The following WNT10A variants were observed in gnomAD, a reference collection of about 807,000 sequenced individuals.
WNT10A encodes the protein Wnt family member 10A.
WNT10A carries 37 observed loss-of-function variants against 36.1 expected under a neutral mutation model. The observed-to-expected ratio is 1.02, with a 90% CI of 0.79 to 1.35. WNT10A has a LOEUF of 1.35. WNT10A is among the 40% of genes most tolerant of loss of function. The pLI is 0.00. For synonymous variants in WNT10A, 255 were observed against 254.1 expected (o/e 1.00, Z -0.03); for missense variants, 613 against 601.4 (o/e 1.02, Z -0.20).
intron 2 of WNT10A, among the ~76,000 whole-genome samples, chr2:218,883,405 G>T (rs1260132695): frequency 1.3e-5 from 2 of 152,116 alleles, no homozygotes; most frequent in Non-Finnish European, 2.9e-5. Flanking sequence ...GGGGAGTCAG[G>T]CTGTACCTCA....
At chr2:218,882,978 G>A (rs1944535483) in intron 2 of WNT10A, among the ~76,000 whole-genome samples, 1 of 152,212 alleles carries the variant, frequency 6.6e-6, no homozygotes, top group Non-Finnish European at 1.5e-5. Flanking sequence ...GGTGCTGGGT[G>A]TGTGTGTGCC....
chr2:218,890,087 T>C lies in WNT10A; in HGVS notation c.480T>C (p.Asp160=), dbSNP rs370416866. The part of the protein sequence containing the change: ...ALGKLKACGC[D]ASRRGDEEAF... ...GCAAACTGAAGGCCTGTGGCTGTGA[T>C]GCGTCCCGGCGAGGGGACGAGGAGG... is the stretch of plus-strand genomic sequence containing the variant. Residue 160 remains aspartate, a synonymous_variant, in exon 3 of 4, where the codon GAT becomes GAC. Transcript: ENST00000258411. The C allele has an allele frequency of 6.2e-7, 1 of 1,614,018 alleles. No individual in the cohort carries two copies. Among genetic ancestry groups the C allele is most frequent in the African/African-American group, 1.3e-5 (1 of 74,920 alleles).
rs568721263 is a variant in WNT10A, at chr2:218,886,238, A to C, written c.377-3746A>C. Among the ~76,000 whole-genome samples the C allele has an allele frequency of 2.0e-5, 3 of 152,152 alleles. No homozygotes were observed. In the East Asian group the frequency reaches 5.8e-4, roughly 29 times the overall value. ...ACGCACACACACACACACACCAAAC[A>C]CCTACTCCTGTTTTTGCATATGTGT... On this transcript the variant is annotated intron_variant, in intron 2 of 3. Coordinates refer to ENST00000258411, the MANE Select transcript of WNT10A (RefSeq NM_025216.3).
At chr2:218,880,777 C>A (rs969694460), upstream of WNT10A, 1 of 493,388 alleles carries the variant, frequency 2.0e-6, no homozygotes, top group Admixed American at 4.3e-5. The surrounding 1 kb of genome is among the most constrained non-coding windows in gnomAD (Gnocchi z 7.7). Flanking sequence ...GCCCGGTTCG[C>A]CCGCTCTTCA....
upstream of WNT10A, chr2:218,880,780 G>A (rs1001883653): frequency 2.0e-6 from 1 of 492,362 alleles, no homozygotes. This position sits in a 1 kb window ranked among gnomAD's most constrained non-coding sequence, Gnocchi z 7.7. Context: ...CGGTTCGCCC[G>A]CTCTTCACCC....
intron 2 of WNT10A, among the ~76,000 whole-genome samples, chr2:218,888,580 C>T (rs912456723): frequency 6.6e-6 from 1 of 152,250 alleles, no homozygotes; most frequent in African/African-American, 2.4e-5. Flanking sequence ...GTACCTCCAA[C>T]AGCCTCTGCA....
chr2:218,874,839 T>A, the WNT10A span, among the ~76,000 whole-genome samples: 1 of 152,214 alleles, frequency 6.6e-6, no homozygotes, highest in South Asian at 2.1e-4. Context: ...TACAAAGGGA[T>A]TTCGCTCTGT....
At chr2:218,885,653 C>G (rs910446657) in intron 2 of WNT10A, among the ~76,000 whole-genome samples, 3 of 152,244 alleles carry the variant, frequency 2.0e-5, no homozygotes, top group Non-Finnish European at 4.4e-5. Context: ...CAGCCATGCT[C>G]TCAGCCCAGG....
intron 1 of WNT10A, 106 bp downstream of exon 1, chr2:218,881,214 C>G: frequency 6.7e-7 from 1 of 1,502,804 alleles, no homozygotes; most frequent in South Asian, 1.2e-5. Flanking sequence ...AAGGGAGGGA[C>G]AGGGTCATAG....
At chr2:218,890,412 T>C (rs1331861161) in intron 3 of WNT10A, 49 bp downstream of exon 3, 2 of 1,598,188 alleles carry the variant, frequency 1.3e-6, no homozygotes, top group Non-Finnish European at 1.7e-6. Flanking sequence ...GCCTAGGGCC[T>C]ACCCCTTGCC....
intron 2 of WNT10A, among the ~76,000 whole-genome samples, chr2:218,883,686 A>C (rs1175695461): frequency 2.7e-5 from 4 of 149,168 alleles, no homozygotes; most frequent in Non-Finnish European, 4.5e-5. Context: ...TCCCGGCCCC[A>C]GCCGCGCCGC....
chr2:218,886,621 GCCCCCCACCCAC>G (rs930319020), intron 2 of WNT10A, among the ~76,000 whole-genome samples: 2 of 146,580 alleles, frequency 1.4e-5, no homozygotes, highest in South Asian at 2.2e-4. Flanking sequence ...TTAACGAGCC[GCCCCCCACCCAC>G]CCCCCCACCG....
rs1336137106 is a variant in WNT10A at position 218,892,963 on chromosome 2, G to A, written c.946G>A (p.Gly316Arg). The change falls in exon 4 of 4, where the codon GGG becomes AGG. Residue 316 changes from glycine to arginine, a missense_variant. By Grantham distance (125) the Gly-to-Arg change is moderately radical. Transcript: ENST00000258411. ...NGGQLEPGPA[G>R]APSPAPGAPG... is the part of the protein sequence containing the mutation. The stretch of plus-strand genomic sequence containing the variant: ...CGGCCAGCTGGAGCCGGGCCCAGCG[G>A]GGGCACCCTCGCCGGCTCCGGGCGC... 10 of 1,443,078 alleles carry A rather than the reference G, an allele frequency of 6.9e-6. No homozygotes were observed. The Admixed American group carries it at 2.2e-4, about 32-fold the overall frequency. The allele number at this position is 1,443,078 out of a possible 1,614,324, so 89.4% of individuals were successfully genotyped here.
At chr2:218,875,126 G>A in the WNT10A span, among the ~76,000 whole-genome samples, 2 of 131,964 alleles carry the variant, frequency 1.5e-5, no homozygotes, top group Non-Finnish European at 3.1e-5. Context: ...GTTAGCCTTA[G>A]GATAGTCAGA....
At chr2:218,879,962 G>A (rs1293476513), upstream of WNT10A, among the ~76,000 whole-genome samples, 1 of 152,164 alleles carries the variant, frequency 6.6e-6, no homozygotes, top group African/African-American at 2.4e-5. Flanking sequence ...GGCTCACTGA[G>A]GAGACAAGGT....
chr2:218,890,531 C>T (rs747508666), intron 3 of WNT10A, among the ~76,000 whole-genome samples, 168 bp downstream of exon 3: 6 of 152,218 alleles, frequency 3.9e-5, no homozygotes, highest in Non-Finnish European at 8.8e-5. Context: ...ATGCACTGTG[C>T]ACCAGGCACT....
chr2:218,876,677 T>C (rs945311020), upstream of WNT10A, among the ~76,000 whole-genome samples: 69 of 152,196 alleles, frequency 4.5e-4, 1 homozygote, highest in East Asian at 1.3e-3. Flanking sequence ...TGAAGCTCCC[T>C]GAGGGCAAGG....
At chr2:218,882,067 G>C in intron 1 of WNT10A, 94 bp from the exon 2 acceptor site, 3 of 1,501,982 alleles carry the variant, frequency 2.0e-6, no homozygotes, top group Non-Finnish European at 2.7e-6. Context: ...GGAAGAGGGA[G>C]TGATTATGGC....
Position 218,893,430 on chromosome 2 carries a change from G to C in WNT10A, c.*159G>C. The stretch of plus-strand genomic sequence containing the variant: ...CCCCTCAGCTCTGAGGTCTGTGATC[G>C]CCGGACAGTCCAGGCCTGTCTGAAC... On this transcript the variant is annotated 3_prime_UTR_variant, in exon 4 of 4. Transcript: ENST00000258411. The surrounding 1 kb of genome is among the most constrained non-coding windows in gnomAD (Gnocchi z 6.3). 2 of 1,088,988 alleles carry C rather than the reference G, an allele frequency of 1.8e-6. No individual in the cohort carries two copies. The highest frequency in any genetic ancestry group is 2.5e-6 in the Non-Finnish European group (2 of 785,154). 67.5% of individuals were successfully genotyped at this position (1,088,988 alleles called of 1,614,324 possible).
Sources: gnomAD v4.1 joint callset for allele counts (sites outside exome capture counted in the v4.1 genomes callset) on GRCh38, gnomAD v4.1.1 for gene constraint, Gnocchi (gnomAD v3.1) non-coding constraint, MANE v1.5 for transcripts, NCBI Gene and HGNC (gene_info 2026-07-23, HGNC 2026-07-21) for gene names.